ADHFE1: variants seen among roughly 807,000 people sequenced by gnomAD.
The protein encoded by ADHFE1 is hydroxyacid-oxoacid transhydrogenase, mitochondrial.
In ADHFE1, 37 loss-of-function variants were observed where a neutral mutation model predicts 54.8. The observed-to-expected ratio is 0.68, with a 90% CI of 0.52 to 0.89. The LOEUF is 0.89. ADHFE1 is among the 40% of genes least tolerant of loss of function. The pLI is 0.00. For missense variants in ADHFE1, 601 were observed against 591.2 expected (o/e 1.02, Z -0.17); for synonymous variants, 203 against 229.3 (o/e 0.89, Z 1.04).
intron 8 of ADHFE1, among the ~76,000 whole-genome samples, chr8:66,449,564 T>C (rs1806196464): frequency 6.6e-6 from 1 of 152,332 alleles, no homozygotes; most frequent in Non-Finnish European, 1.5e-5. Context: ...GACTTGCCCA[T>C]AGTCTTACTG....
In ADHFE1 at chr8:66,439,323, A is replaced by G. The variant is rs558973702; in HGVS notation, c.60-839A>G. 186 of 985,596 alleles carry G rather than the reference A, an allele frequency of 1.9e-4. 1 individual carries two copies. In the African/African-American group the frequency reaches 2.2e-3, roughly 12 times the overall value. The allele number at this position is 985,596 out of a possible 1,614,324, so 61.1% of individuals were successfully genotyped here. On this transcript the variant is annotated intron_variant, in intron 1 of 13. Coordinates refer to ENST00000396623, the MANE Select transcript of ADHFE1 (RefSeq NM_144650.3). The surrounding 1 kb of genome is among the most constrained non-coding windows in gnomAD (Gnocchi z 4.4). ...TGGACAAGGTCTTCTGGGCAACCCA[A>G]CGAAACATAAAACCGTCTTCCCAGC... is the stretch of plus-strand genomic sequence containing the variant.
At position 66,468,876 on chromosome 8, in the gene ADHFE1, T is replaced by G. The variant is rs1202719811; in HGVS notation, c.*524T>G. ...ACTAGACAGTGGAATACTATGGTAC[T>G]GTTAATAAAGATGAAGTAAATCTCT... On this transcript the variant is annotated 3_prime_UTR_variant, in exon 14 of 14. Transcript: ENST00000396623. The G allele has an allele frequency of 6.6e-6, 1 of 152,236 alleles. No individual in the cohort carries two copies. Among genetic ancestry groups the G allele is most frequent in the African/African-American group, 2.4e-5 (1 of 41,458 alleles). 9.4% of individuals were successfully genotyped at this position (152,236 alleles called of 1,614,324 possible).
intron 12 of ADHFE1, among the ~76,000 whole-genome samples, chr8:66,458,014 A>G (rs561477448): frequency 1.3e-5 from 2 of 152,314 alleles, no homozygotes; most frequent in Admixed American, 6.5e-5. Context: ...TCTGTTTGCC[A>G]TACTGTAGAA....
chr8:66,433,990 C>T (rs1805335973), intron 1 of ADHFE1, among the ~76,000 whole-genome samples: 1 of 152,168 alleles, frequency 6.6e-6, no homozygotes, highest in Non-Finnish European at 1.5e-5. Context: ...GGGAGTATGG[C>T]ATAATCAGAA....
intron 7 of ADHFE1, among the ~76,000 whole-genome samples, chr8:66,448,421 T>C (rs2060281006): frequency 6.6e-6 from 1 of 152,228 alleles, no homozygotes; most frequent in South Asian, 2.1e-4. Flanking sequence ...GCTATTATTA[T>C]AGTCTAATCT....
chr8:66,453,755 G>C, intron 9 of ADHFE1: 8 of 1,391,504 alleles, frequency 5.7e-6, no homozygotes, highest in Non-Finnish European at 7.7e-6. Flanking sequence ...TGAGTCTCAG[G>C]GCACCTTCCT....
At chr8:66,461,880 C>G (rs770868439) in intron 13 of ADHFE1, among the ~76,000 whole-genome samples, 12 of 152,306 alleles carry the variant, frequency 7.9e-5, no homozygotes, top group Middle Eastern at 6.8e-3. Flanking sequence ...GAACAAGAAA[C>G]AAAGGAGTCT....
chr8:66,440,052 T>C (rs760433022), intron 1 of ADHFE1, 110 bp from the exon 2 acceptor site: 10 of 1,059,052 alleles, frequency 9.4e-6, no homozygotes, highest in Admixed American at 4.4e-5. Context: ...AACTACCAAT[T>C]TGATAGCATC....
intron 1 of ADHFE1, among the ~76,000 whole-genome samples, chr8:66,438,108 T>C (rs1275514497): frequency 1.3e-5 from 2 of 152,122 alleles, no homozygotes; most frequent in Non-Finnish European, 2.9e-5. Flanking sequence ...GGGGAGCCAT[T>C]GAAGCAGCTT....
chr8:66,461,641 G>T (rs191452619), intron 13 of ADHFE1, among the ~76,000 whole-genome samples: 10 of 151,960 alleles, frequency 6.6e-5, no homozygotes, highest in Admixed American at 2.6e-4. Context: ...CAGAAAGCAC[G>T]TGACCCATCT....
chr8:66,460,639 C>T (rs369916102), intron 13 of ADHFE1, among the ~76,000 whole-genome samples, 174 bp downstream of exon 13: 34 of 152,332 alleles, frequency 2.2e-4, no homozygotes, highest in Non-Finnish European at 4.0e-4. Context: ...GGGCCAGGCC[C>T]TCGCCTTTCT....
intron 10 of ADHFE1, 114 bp from the exon 11 acceptor site, chr8:66,456,703 A>G: frequency 2.9e-6 from 2 of 694,764 alleles, no homozygotes; most frequent in South Asian, 1.9e-5. Context: ...TCACTTTTTC[A>G]GGTAATGATA....
chr8:66,433,631 G>GTTC (rs1355493518), intron 1 of ADHFE1, among the ~76,000 whole-genome samples: 2 of 152,204 alleles, frequency 1.3e-5, no homozygotes, highest in Non-Finnish European at 2.9e-5. Flanking sequence ...CACAGTCCTT[G>GTTC]TTCTTAGGCC....
At chr8:66,443,301 A>T (rs1805859735) in intron 3 of ADHFE1, among the ~76,000 whole-genome samples, 1 of 68,296 alleles carries the variant, frequency 1.5e-5, no homozygotes. Flanking sequence ...TTTTTTGGAG[A>T]CAGCCTCACT....
chr8:66,447,335 A>G lies in ADHFE1; in HGVS notation c.622A>G (p.Lys208Glu). 1 of 1,612,038 alleles carries G rather than the reference A, an allele frequency of 6.2e-7. No homozygotes were observed. The highest frequency in any genetic ancestry group is 8.5e-7 in the Non-Finnish European group (1 of 1,178,312). ...TTTTGACTATGAACACTTGAAAGTA[A>G]AAATTGGTAAGAACCATACTTTTGA... ...AIFDYEHLKV[K>E]IGITSRAIKP... is the part of the protein sequence containing the mutation. Residue 208 changes from lysine (K) to glutamate (E), a missense_variant, in exon 7 of 14, where the codon AAA becomes GAA. Coordinates refer to ENST00000396623, the MANE Select transcript of ADHFE1 (RefSeq NM_144650.3).
chr8:66,456,733 G>T, intron 10 of ADHFE1, 84 bp from the exon 11 acceptor site: 1 of 1,011,800 alleles, frequency 9.9e-7, no homozygotes, highest in Non-Finnish European at 1.5e-6. Context: ...GGCCGTGACA[G>T]GCATCCCCAT....
intron 7 of ADHFE1, among the ~76,000 whole-genome samples, chr8:66,447,746 G>A (rs1357613019): frequency 6.6e-6 from 1 of 152,134 alleles, no homozygotes; most frequent in African/African-American, 2.4e-5. Context: ...ATAAAAATAT[G>A]AAACAATGTA....
intron 8 of ADHFE1, 74 bp downstream of exon 8, chr8:66,449,044 A>C: frequency 7.7e-7 from 1 of 1,300,626 alleles, no homozygotes; most frequent in South Asian, 1.2e-5. Flanking sequence ...CTCAACGCAC[A>C]TGCTAAGTAT....
At chr8:66,435,811 G>A (rs2130330997) in intron 1 of ADHFE1, among the ~76,000 whole-genome samples, 1 of 150,992 alleles carries the variant, frequency 6.6e-6, no homozygotes, top group African/African-American at 2.4e-5. Context: ...GTCTCACTAT[G>A]TTGCCCCAGC....
Sources: gnomAD v4.1 joint callset for allele counts (sites outside exome capture counted in the v4.1 genomes callset) on GRCh38, gnomAD v4.1.1 for gene constraint, Gnocchi (gnomAD v3.1) non-coding constraint, MANE v1.5 for transcripts, NCBI Gene and HGNC (gene_info 2026-07-23, HGNC 2026-07-21) for gene names.